The following SCN1B variants were observed in gnomAD, a reference collection of about 807,000 sequenced individuals.
The protein encoded by SCN1B is sodium voltage-gated channel beta subunit 1.
In SCN1B, 11 loss-of-function variants were observed where a neutral mutation model predicts 25.7. That is an observed-to-expected ratio of 0.43 (90% CI 0.27 to 0.71). SCN1B has a LOEUF of 0.71. SCN1B is among the 30% of genes least tolerant of loss of function. The pLI is 0.21. For synonymous variants in SCN1B, 119 were observed against 117.5 expected (o/e 1.01, Z -0.08); for missense variants, 224 against 291.5 (o/e 0.77, Z 1.69).
Position 35,032,842 on chromosome 19 carries a change from C to T in SCN1B, c.207+148C>T. 3.0e-6 allele frequency: 3 copies of T among 997,310 alleles called. No homozygotes were observed. Among genetic ancestry groups the T allele is most frequent in the Non-Finnish European group, 1.5e-6 (1 of 669,368 alleles). The allele number at this position is 997,310 out of a possible 1,614,324, so 61.8% of individuals were successfully genotyped here. A position where few individuals can be genotyped will look rare whatever the true frequency, so the allele number is the denominator to read the frequency against. ...AGATTCTGGCTCCACCAGTGGCCAG[C>T]TGGTGACCTTGGCCAAGTCAGTGAG... On this transcript the variant is annotated intron_variant, in intron 2 of 5. Coordinates refer to ENST00000262631, the MANE Select transcript of SCN1B (RefSeq NM_001037.5). The surrounding 1 kb of genome is among the most constrained non-coding windows in gnomAD (Gnocchi z 4.3).
intron 4 of SCN1B, 174 bp downstream of exon 4, chr19:35,039,432 C>A: frequency 9.7e-7 from 1 of 1,029,428 alleles, no homozygotes; most frequent in Non-Finnish European, 1.5e-6. Context: ...TCGTCAGACC[C>A]AGCCCCTTCC....
chr19:35,030,728 G>C lies in SCN1B; in HGVS notation c.-93G>C, dbSNP rs886054340. The C allele has an allele frequency of 1.5e-5, 6 of 399,406 alleles. No individual in the cohort carries two copies. The highest frequency in any genetic ancestry group is 2.3e-5 in the Non-Finnish European group (5 of 217,222). The allele number at this position is 399,406 out of a possible 1,614,324, so 24.7% of individuals were successfully genotyped here. On this transcript the variant is annotated 5_prime_UTR_variant, in exon 1 of 6. Coordinates refer to ENST00000262631, the MANE Select transcript of SCN1B (RefSeq NM_001037.5). ...CAGCTGCTGCGCCCGCGCGCTCCCG[G>C]GGACATTCTAACCGCCGCCAGGTCC...
At chr19:35,034,657 C>T (rs1232232610) in intron 3 of SCN1B, 3 of 161,186 alleles carry the variant, frequency 1.9e-5, no homozygotes, top group Non-Finnish European at 2.8e-5. Context: ...ATGGGCAACA[C>T]GCACTGCCCA....
intron 3 of SCN1B, 80 bp downstream of exon 3, chr19:35,033,819 G>T: frequency 6.2e-7 from 1 of 1,613,210 alleles, no homozygotes; most frequent in Non-Finnish European, 8.5e-7. Context: ...CAGTGGACAG[G>T]ACAGGCTGGC....
chr19:35,039,454 C>T (rs2064270765), intron 4 of SCN1B, 181 bp from the exon 5 acceptor site: 1 of 970,218 alleles, frequency 1.0e-6, no homozygotes, highest in South Asian at 1.4e-5. Flanking sequence ...CCCTCCAACT[C>T]AGGAGCCCAG....
rs761925369 is a variant in SCN1B at position 35,033,643 on chromosome 19, G to A, written c.352G>A (p.Asp118Asn). Residue 118 changes from aspartate to asparagine, a missense_variant, in exon 3 of 6, where the codon GAC becomes AAC. Physicochemically the swap from Asp to Asn is conservative, Grantham distance 23. Around this residue, in one of 3 missense-constraint regions of SCN1B, gnomAD observed 126 missense variants for 204.9 expected, o/e 0.61. Coordinates refer to ENST00000262631, the MANE Select transcript of SCN1B (RefSeq NM_001037.5). Reference sequence around the variant, plus strand: ...CAATGTCACCTACAACCACTCGGGCGACTACGAGTGCCACGTCTACCGCCT... The same window carrying A: ...CAATGTCACCTACAACCACTCGGGCAACTACGAGTGCCACGTCTACCGCCT... ...ITNVTYNHSG[D>N]YECHVYRLLF... 5.6e-6 allele frequency: 9 copies of A among 1,614,066 alleles called. No homozygotes were observed. Among genetic ancestry groups the A allele is most frequent in the East Asian group, 4.5e-5 (2 of 44,902 alleles).
intron 3 of SCN1B, chr19:35,034,841 G>A (rs1168051068): frequency 6.6e-6 from 1 of 152,294 alleles, no homozygotes; most frequent in Non-Finnish European, 1.5e-5. Context: ...AGCTGGACTT[G>A]AATCCAGAGG....
Position 35,032,444 on chromosome 19 carries a change from G to C in SCN1B, c.41-84G>C. Reference sequence around the variant, plus strand: ...GTCCTGTCTGCTGGTAATCATTGAGGGGGGAACAGATGGTTTGTGAGGGGT... The same window carrying C: ...GTCCTGTCTGCTGGTAATCATTGAGCGGGGAACAGATGGTTTGTGAGGGGT... On this transcript the variant is annotated intron_variant, in intron 1 of 5. Transcript: ENST00000262631. This position sits in a 1 kb window ranked among gnomAD's most constrained non-coding sequence, Gnocchi z 4.3. 3 of 1,516,630 alleles carry C rather than the reference G, an allele frequency of 2.0e-6. No individual in the cohort carries two copies. Among genetic ancestry groups the C allele is most frequent in the Admixed American group, 1.7e-5 (1 of 59,630 alleles). The allele number at this position is 1,516,630 out of a possible 1,614,324, so 93.9% of individuals were successfully genotyped here. A position where few individuals can be genotyped will look rare whatever the true frequency, so the allele number is the denominator to read the frequency against.
At position 35,033,758 on chromosome 19, in the gene SCN1B, G is replaced by GC. The variant is rs2064230299; in HGVS notation, c.448+23dup. On this transcript the variant is annotated intron_variant, in intron 3 of 5. Coordinates refer to ENST00000262631, the MANE Select transcript of SCN1B (RefSeq NM_001037.5). Reference sequence around the variant, plus strand: ...GACAAAGGTGAGTCGGGTGCTGCCTGCCCCTTTACCGTCACCCACCGGAGA... The same window carrying GC: ...GACAAAGGTGAGTCGGGTGCTGCCTGCCCCCTTTACCGTCACCCACCGGAGA... 1 of 1,613,972 alleles carries GC rather than the reference G, an allele frequency of 6.2e-7. No homozygotes were observed. The highest frequency in any genetic ancestry group is 8.5e-7 in the Non-Finnish European group (1 of 1,180,024).
chr19:35,039,534 G>GC, intron 4 of SCN1B, 101 bp from the exon 5 acceptor site: 1 of 1,203,968 alleles, frequency 8.3e-7, no homozygotes, highest in Non-Finnish European at 1.2e-6. Context: ...TAACTAAGGA[G>GC]CCCTGTGTAC....
chr19:35,036,814 G>A (rs906820747), intron 3 of SCN1B: 2 of 149,458 alleles, frequency 1.3e-5, no homozygotes, highest in Non-Finnish European at 3.0e-5. Context: ...GCAGTGGCAC[G>A]ATCTTGGCTC....
At chr19:35,034,889 A>G (rs901981727) in intron 3 of SCN1B, 1 of 152,260 alleles carries the variant, frequency 6.6e-6, no homozygotes, top group African/African-American at 2.4e-5. Context: ...GGCATGATTC[A>G]CTGTACTCTG....
At chr19:35,038,785 C>T in intron 3 of SCN1B, 1 of 414,436 alleles carries the variant, frequency 2.4e-6, no homozygotes, top group Non-Finnish European at 4.6e-6. Context: ...AAACAGAGGC[C>T]TAGAGACATT....
Position 35,033,806 on chromosome 19 carries a change from A to G in SCN1B, c.448+67A>G, listed in dbSNP as rs763738078. On this transcript the variant is annotated intron_variant, in intron 3 of 5. Transcript: ENST00000262631. ...AGAGCCAGATGGAGGGACAGATGGCAGGCAGTGGACAGGACAGGCTGGCTC... is the reference window on the plus strand; with the variant it reads ...AGAGCCAGATGGAGGGACAGATGGCGGGCAGTGGACAGGACAGGCTGGCTC... 6.2e-7 allele frequency: 1 copy of G among 1,613,398 alleles called. No individual in the cohort carries two copies. The highest frequency in any genetic ancestry group is 1.1e-5 in the South Asian group (1 of 91,072).
rs2064234997 is a variant in SCN1B at position 35,034,267 on chromosome 19, G to A, written c.448+528G>A. On this transcript the variant is annotated intron_variant, in intron 3 of 5. Transcript: ENST00000262631. ...GCAAGAGAGCGTGCCACCTAGAGCA[G>A]AGTTCCGCACACCCCTCTGCACTCC... 6 of 1,232,492 alleles carry A rather than the reference G, an allele frequency of 4.9e-6. No individual in the cohort carries two copies. In the South Asian group the frequency reaches 5.9e-5, roughly 12 times the overall value. 76.3% of individuals were successfully genotyped at this position (1,232,492 alleles called of 1,614,324 possible).
Position 35,039,925 on chromosome 19 carries a change from G to A in SCN1B, c.*134G>A. On this transcript the variant is annotated 3_prime_UTR_variant, in exon 6 of 6. Coordinates refer to ENST00000262631, the MANE Select transcript of SCN1B (RefSeq NM_001037.5). Reference sequence around the variant, plus strand: ...AGAGTCCTGCCGACGGAGCCACTGGGGTGGGAGGGGGCAGGGGGCTTGGCT... The same window carrying A: ...AGAGTCCTGCCGACGGAGCCACTGGAGTGGGAGGGGGCAGGGGGCTTGGCT... The A allele has an allele frequency of 1.7e-6, 1 of 598,390 alleles. No homozygotes were observed. The highest frequency in any genetic ancestry group is 3.0e-6 in the Non-Finnish European group (1 of 337,242). 37.1% of individuals were successfully genotyped at this position (598,390 alleles called of 1,614,324 possible).
Position 35,039,190 on chromosome 19 carries a change from C to A in SCN1B, c.522C>A (p.Leu174=), listed in dbSNP as rs35478147. 5.1e-5 allele frequency: 83 copies of A among 1,614,000 alleles called. 3 individuals carry two copies. The highest frequency in any genetic ancestry group is 3.3e-4 in the Middle Eastern group (2 of 6,084). The change falls in exon 4 of 6, where the codon CTC becomes CTA. Residue 174 remains leucine (L), a synonymous_variant. Coordinates refer to ENST00000262631, the MANE Select transcript of SCN1B (RefSeq NM_001037.5). ...YVLIVVLTIW[L]VAEMIYCYKK... ...TCATTGTGGTGTTGACCATATGGCT[C>A]GTGGCAGAGATGATTTACTGCTACA...
At position 35,030,849 on chromosome 19, in the gene SCN1B, G is replaced by A. The variant is rs1555720384; in HGVS notation, c.29G>A (p.Gly10Asp). MGRLLALVV[G>D]AALVSSACGG... ...GGGAGGCTGCTGGCCTTAGTGGTCG[G>A]CGCGGCACTGGGTGAGTGCGCGGGG... The change falls in exon 1 of 6, where the codon GGC becomes GAC. Residue 10 changes from glycine to aspartate, a missense_variant. Around this residue, in one of 3 missense-constraint regions of SCN1B, gnomAD observed 46 missense variants for 35.8 expected, o/e 1.29. Coordinates refer to ENST00000262631, the MANE Select transcript of SCN1B (RefSeq NM_001037.5). The A allele has an allele frequency of 1.0e-6, 1 of 963,146 alleles. No homozygotes were observed. Among genetic ancestry groups the A allele is most frequent in the Non-Finnish European group, 1.3e-6 (1 of 772,584 alleles). 59.7% of individuals were successfully genotyped at this position (963,146 alleles called of 1,614,324 possible).
chr19:35,032,515 G>C lies in SCN1B; in HGVS notation c.41-13G>C. 1 of 1,613,222 alleles carries C rather than the reference G, an allele frequency of 6.2e-7. No homozygotes were observed. On this transcript the variant is annotated splice_polypyrimidine_tract_variant and intron_variant, in intron 1 of 5. Transcript: ENST00000262631. The surrounding 1 kb of genome is among the most constrained non-coding windows in gnomAD (Gnocchi z 4.3). ...GGGTGCCTCTGCCTGACCTGAGCCT[G>C]CTGTCCCCACAGTGTCCTCAGCCTG...
Sources: gnomAD v4.1 joint callset for allele counts on GRCh38, gnomAD v4.1.1 for gene constraint, gnomAD v4.1.1 regional missense constraint, Gnocchi (gnomAD v3.1) non-coding constraint, MANE v1.5 for transcripts, NCBI Gene and HGNC (gene_info 2026-07-23, HGNC 2026-07-21) for gene names.